NETO1: variants seen among roughly 807,000 people sequenced by gnomAD.
The protein encoded by NETO1 is neuropilin and tolloid like 1, also known as neuropilin and tolloid-like protein 1.
A neutral mutation model predicts 61.3 loss-of-function variants in NETO1; 26 were observed. The observed-to-expected ratio is 0.42, with a 90% CI of 0.31 to 0.59. The LOEUF is 0.59. NETO1 is among the 20% of genes least tolerant of loss of function. The pLI is 0.12. For synonymous variants in NETO1, 225 were observed against 225.8 expected, an observed-to-expected ratio of 1.00 and a Z score of 0.03; for missense variants, 531 against 662.8, an observed-to-expected ratio of 0.80 and a Z score of 2.18.
At chr18:72,815,525 T>C (rs2073004780) in intron 4 of NETO1, among the ~76,000 whole-genome samples, 1 of 152,176 alleles carries the variant, frequency 6.6e-6, no homozygotes, top group Admixed American at 6.5e-5. Flanking sequence ...AGAGGAAATT[T>C]GAGCCTCTAA....
rs79393661 is a variant in NETO1 at position 72,817,117 on chromosome 18, A to T, written c.470-22713T>A. Among the ~76,000 whole-genome samples, 295 of 152,284 alleles carry T rather than the reference A, an allele frequency of 1.9e-3. 2 individuals carry two copies. The highest frequency in any genetic ancestry group is 0.013 in the East Asian group (66 of 5,160). ...GCAGAGTTTATTCCTCTTCTCTTGG[A>T]ACCTGAGTTTACCCTGTGACTTCTT... On this transcript the variant is annotated intron_variant, in intron 4 of 10. Coordinates refer to ENST00000327305, the MANE Select transcript of NETO1 (RefSeq NM_138966.5).
At chr18:72,794,977 C>A (rs1344821895) in intron 4 of NETO1, among the ~76,000 whole-genome samples, 3 of 152,198 alleles carry the variant, frequency 2.0e-5, no homozygotes, top group African/African-American at 7.2e-5. Flanking sequence ...TCTTTCTCTG[C>A]AACATTTCAT....
intron 4 of NETO1, among the ~76,000 whole-genome samples, chr18:72,803,679 G>A (rs1477117770): frequency 6.6e-6 from 1 of 152,078 alleles, no homozygotes; most frequent in East Asian, 1.9e-4. Context: ...AAATTAGTCA[G>A]GTGTGGTGGC....
intron 1 of NETO1, among the ~76,000 whole-genome samples, chr18:72,866,393 A>G (rs1020919790): frequency 3.9e-5 from 6 of 152,150 alleles, no homozygotes; most frequent in African/African-American, 1.2e-4. Flanking sequence ...AAATTAAGGC[A>G]CTGGCTGCTG....
chr18:72,798,098 A>T (rs540996837), intron 4 of NETO1, among the ~76,000 whole-genome samples: 1 of 152,336 alleles, frequency 6.6e-6, no homozygotes, highest in East Asian at 1.9e-4. Flanking sequence ...TTCTCTAAGG[A>T]TGGGTTCCCC....
intron 4 of NETO1, among the ~76,000 whole-genome samples, chr18:72,798,940 C>A (rs1038053100): frequency 2.0e-5 from 3 of 152,208 alleles, no homozygotes; most frequent in African/African-American, 7.2e-5. Context: ...TGCTTTGCCA[C>A]ATAGTGACCA....
At chr18:72,849,168 G>T (rs1340619432) in intron 4 of NETO1, among the ~76,000 whole-genome samples, 1 of 152,088 alleles carries the variant, frequency 6.6e-6, no homozygotes, top group Non-Finnish European at 1.5e-5. Flanking sequence ...CATCCAAGGG[G>T]CTTACATTTT....
intron 4 of NETO1, among the ~76,000 whole-genome samples, chr18:72,855,093 T>C (rs963317331): frequency 6.6e-6 from 1 of 152,252 alleles, no homozygotes; most frequent in Non-Finnish European, 1.5e-5. Flanking sequence ...TTCTATTTTT[T>C]ATTAAATTGT....
At chr18:72,825,593 T>C (rs1160672910) in intron 4 of NETO1, among the ~76,000 whole-genome samples, 1 of 152,140 alleles carries the variant, frequency 6.6e-6, no homozygotes, top group East Asian at 1.9e-4. Context: ...ACATTTATTC[T>C]ACTATTATTT....
intron 4 of NETO1, among the ~76,000 whole-genome samples, chr18:72,808,456 G>GTGTGTGTGTGT (rs1491239651): frequency 3.6e-5 from 2 of 55,878 alleles, no homozygotes; most frequent in African/African-American, 8.2e-5. Flanking sequence ...TGTGTGTGTG[G>GTGTGTGTGTGT]AGTGTGTGTG....
intron 4 of NETO1, among the ~76,000 whole-genome samples, chr18:72,838,986 G>T (rs1477390344): frequency 6.6e-6 from 1 of 152,160 alleles, no homozygotes; most frequent in African/African-American, 2.4e-5. Context: ...AGCTAAAACA[G>T]ATAAAGCATA....
intron 4 of NETO1, among the ~76,000 whole-genome samples, chr18:72,808,751 C>T (rs2072766049): frequency 6.6e-6 from 1 of 152,156 alleles, no homozygotes; most frequent in African/African-American, 2.4e-5. Context: ...AATATTAGAC[C>T]CTTCTAAATA....
intron 4 of NETO1, among the ~76,000 whole-genome samples, chr18:72,856,157 G>A (rs146409794): frequency 8.2e-4 from 125 of 152,290 alleles, no homozygotes; most frequent in African/African-American, 2.8e-3. Flanking sequence ...CTGAGACTGC[G>A]AGATTACATC....
rs545192968 is a variant in NETO1, at chr18:72,801,886, G to A, written c.470-7482C>T. On this transcript the variant is annotated intron_variant, in intron 4 of 10. Transcript: ENST00000327305. ...GGATGGACATCTGTCTTAGAAAGGG[G>A]AGATGAAAAGACTCACTGTCTCCAC... is the stretch of plus-strand genomic sequence containing the variant. 2.0e-4 allele frequency among the ~76,000 whole-genome samples: 31 copies of A among 152,072 alleles called. No homozygotes were observed. The South Asian group carries it at 6.4e-3, about 32-fold the overall frequency.
chr18:72,778,904 G>C (rs961966711), intron 7 of NETO1, among the ~76,000 whole-genome samples: 7 of 152,216 alleles, frequency 4.6e-5, no homozygotes, highest in Admixed American at 1.3e-4. Context: ...CATCCCCACA[G>C]ATCAGCATAA....
intron 7 of NETO1, among the ~76,000 whole-genome samples, chr18:72,773,256 T>C (rs2071435853): frequency 6.6e-6 from 1 of 152,040 alleles, no homozygotes; most frequent in Admixed American, 6.6e-5. Context: ...GTTCTTCAAT[T>C]TTAGAGAGCT....
chr18:72,765,666 C>G (rs1396650409), intron 7 of NETO1, among the ~76,000 whole-genome samples: 1 of 152,104 alleles, frequency 6.6e-6, no homozygotes, highest in Non-Finnish European at 1.5e-5. Context: ...ATCCACCCAC[C>G]TTGGCCTCCC....
In NETO1 at chr18:72,865,222, G is replaced by T; in HGVS notation, c.48C>A (p.Ile16=). ...TCTTGGTTGCCCCAGACAAATGGAG[G>T]ATGATTAAACTTGCTACAACTGAAA... ...SVLHIVASLI[I]LHLSGATKKG... Residue 16 remains isoleucine (I), a synonymous_variant, in exon 2 of 11, where the codon ATC becomes ATA. Coordinates refer to ENST00000327305, the MANE Select transcript of NETO1 (RefSeq NM_138966.5). 3 of 1,613,096 alleles carry T rather than the reference G, an allele frequency of 1.9e-6. No homozygotes were observed. Among genetic ancestry groups the T allele is most frequent in the Non-Finnish European group, 2.5e-6 (3 of 1,179,454 alleles).
At chr18:72,765,563 C>G (rs2071125403) in intron 7 of NETO1, among the ~76,000 whole-genome samples, 1 of 152,018 alleles carries the variant, frequency 6.6e-6, no homozygotes, top group Non-Finnish European at 1.5e-5. Context: ...GGATTACAGG[C>G]ACCTGTCACT....
Sources: gnomAD v4.1 joint callset for allele counts (sites outside exome capture counted in the v4.1 genomes callset) on GRCh38, gnomAD v4.1.1 for gene constraint, MANE v1.5 for transcripts, NCBI Gene and HGNC (gene_info 2026-07-23, HGNC 2026-07-21) for gene names.